The following UBR4 variants were observed in gnomAD, a reference collection of about 807,000 sequenced individuals.
The protein encoded by UBR4 is ubiquitin protein ligase E3 component n-recognin 4, also known as E3 ubiquitin-protein ligase UBR4.
UBR4 carries 124 observed loss-of-function variants against 575.6 expected under a neutral mutation model. That is an observed-to-expected ratio of 0.22 (90% CI 0.19 to 0.25). UBR4 has a LOEUF of 0.25. UBR4 is among the 10% of genes least tolerant of loss of function. UBR4 has a pLI of 1.00. For missense variants in UBR4, 4,818 were observed against 6,478.8 expected (o/e 0.74, Z 8.80); for synonymous variants, 2,455 against 2,473.7 (o/e 0.99, Z 0.22).
intron 84 of UBR4, 122 bp from the exon 85 acceptor site, chr1:19,105,311 A>G: frequency 8.2e-7 from 1 of 1,215,976 alleles, no homozygotes; most frequent in South Asian, 1.6e-5. Context: ...TGCTTCCTAG[A>G]GGGTGGAGGA....
intron 52 of UBR4, among the ~76,000 whole-genome samples, chr1:19,146,474 G>A (rs2084884004): frequency 6.6e-6 from 1 of 152,172 alleles, no homozygotes; most frequent in Non-Finnish European, 1.5e-5. Context: ...GCAAAAGAAT[G>A]GCATGAAAGC....
chr1:19,185,573 CTTTTTT>C (rs3068081), intron 14 of UBR4, among the ~76,000 whole-genome samples: 5 of 128,634 alleles, frequency 3.9e-5, no homozygotes, highest in African/African-American at 9.0e-5. Flanking sequence ...TTTCTTTTTT[CTTTTTT>C]TTTTTTTTTT....
intron 18 of UBR4, 152 bp from the exon 19 acceptor site, chr1:19,177,895 C>A: frequency 9.6e-7 from 1 of 1,037,238 alleles, no homozygotes; most frequent in Non-Finnish European, 1.4e-6. Flanking sequence ...AAAGACAAGA[C>A]AGAAACTAAA....
At chr1:19,140,556 T>A (rs1437798327) in intron 58 of UBR4, among the ~76,000 whole-genome samples, 1 of 152,142 alleles carries the variant, frequency 6.6e-6, no homozygotes, top group Non-Finnish European at 1.5e-5. Context: ...GGCTTTTCCG[T>A]GGGGAAGTAG....
At chr1:19,138,961 A>G (rs760046653) in intron 59 of UBR4, 122 bp downstream of exon 59, 1 of 1,252,004 alleles carries the variant, frequency 8.0e-7, no homozygotes, top group East Asian at 2.6e-5. Flanking sequence ...AGAGTCCACA[A>G]GACTTTCAAT....
At position 19,088,753 on chromosome 1, in the gene UBR4, C is replaced by T. The variant is rs774291704; in HGVS notation, c.14430+6G>A. The T allele has an allele frequency of 6.2e-7, 1 of 1,612,848 alleles. No individual in the cohort carries two copies. Among genetic ancestry groups the T allele is most frequent in the Admixed American group, 1.7e-5 (1 of 60,024 alleles). On this transcript the variant is annotated splice_donor_region_variant and intron_variant, in intron 98 of 105. Transcript: ENST00000375254. The surrounding 1 kb of genome is among the most constrained non-coding windows in gnomAD (Gnocchi z 4.0). Reference sequence around the variant, plus strand: ...GAAATATGGGGACTCTAGGTGGTAGCTTTACCGTCATGCCCAGGGTGCCCA... The same window carrying T: ...GAAATATGGGGACTCTAGGTGGTAGTTTTACCGTCATGCCCAGGGTGCCCA...
intron 1 of UBR4, 151 bp downstream of exon 1, chr1:19,209,922 C>A (rs1482769159): frequency 6.1e-6 from 8 of 1,318,668 alleles, no homozygotes; most frequent in Non-Finnish European, 7.8e-6. Flanking sequence ...CCCAGGCAAG[C>A]CAGTCTCCCC....
chr1:19,113,821 A>G lies in UBR4; in HGVS notation c.11335T>C (p.Ser3779Pro), dbSNP rs1570638795. The G allele has an allele frequency of 6.2e-7, 1 of 1,614,206 alleles. No individual in the cohort carries two copies. The highest frequency in any genetic ancestry group is 1.1e-5 in the South Asian group (1 of 91,084). Residue 3779 changes from serine to proline, a missense_variant, in exon 77 of 106, where the codon TCA becomes CCA. Ser to Pro is a moderately conservative substitution (Grantham distance 74). This residue lies in a region of UBR4 where 333 missense variants were observed against 459.2 expected (regional missense o/e 0.73). Coordinates refer to ENST00000375254, the MANE Select transcript of UBR4 (RefSeq NM_020765.3). ...GAGCTGATGCCCCCTGCTGTTCCTG[A>G]GTCATCCTGCAACCCCAAGAGGTAA... is the stretch of plus-strand genomic sequence containing the variant. ...EAAPEKPQDD[S>P]GTAGGISSTS...
intron 1 of UBR4, among the ~76,000 whole-genome samples, chr1:19,202,981 C>A (rs1220905358): frequency 6.6e-6 from 1 of 151,444 alleles, no homozygotes; most frequent in African/African-American, 2.4e-5. Context: ...ACTCAGAAGG[C>A]TGAGGTAGAG....
chr1:19,140,642 C>G (rs139157082), intron 58 of UBR4, 146 bp downstream of exon 58: 502 of 795,952 alleles, frequency 6.3e-4, no homozygotes, highest in African/African-American at 3.4e-3. Flanking sequence ...ACTACACCCT[C>G]CACACCCATC....
chr1:19,153,280 T>C lies in UBR4; in HGVS notation c.6832+21A>G, dbSNP rs1396636789. On this transcript the variant is annotated intron_variant, in intron 46 of 105. Coordinates refer to ENST00000375254, the MANE Select transcript of UBR4 (RefSeq NM_020765.3). This position sits in a 1 kb window ranked among gnomAD's most constrained non-coding sequence, Gnocchi z 4.1. ...ACCACCATTCCTACTCCCCCACAAG[T>C]CATCTGAGAAGGAGCCTTACTGATT... 6.2e-7 allele frequency: 1 copy of C among 1,613,244 alleles called. No homozygotes were observed. The highest frequency in any genetic ancestry group is 8.5e-7 in the Non-Finnish European group (1 of 1,179,402).
intron 34 of UBR4, among the ~76,000 whole-genome samples, chr1:19,163,315 T>C (rs1223214885): frequency 6.6e-6 from 1 of 152,202 alleles, no homozygotes; most frequent in Non-Finnish European, 1.5e-5. Flanking sequence ...GAATGCAGGA[T>C]TTCTGTCAGT....
chr1:19,139,806 C>T lies in UBR4; in HGVS notation c.8594-586G>A, dbSNP rs1225813016. 6.6e-6 allele frequency among the ~76,000 whole-genome samples: 1 copy of T among 152,182 alleles called. No homozygotes were observed. Among genetic ancestry groups the T allele is most frequent in the African/African-American group, 2.4e-5 (1 of 41,430 alleles). ...ATTGGGAAATTTCACACCTCCTAAT[C>T]ATCCTCATCAGATGCTAATAATGAA... On this transcript the variant is annotated intron_variant, in intron 58 of 105. Coordinates refer to ENST00000375254, the MANE Select transcript of UBR4 (RefSeq NM_020765.3). This position sits in a 1 kb window ranked among gnomAD's most constrained non-coding sequence, Gnocchi z 4.2.
At chr1:19,122,086 G>A (rs1194536709) in intron 66 of UBR4, 74 bp from the exon 67 acceptor site, 2 of 1,472,642 alleles carry the variant, frequency 1.4e-6, no homozygotes, top group East Asian at 2.3e-5. Context: ...CCTGCTGCCT[G>A]GAGCCATCTC....
At chr1:19,133,819 C>T (rs1428761559) in intron 60 of UBR4, among the ~76,000 whole-genome samples, 3 of 151,952 alleles carry the variant, frequency 2.0e-5, no homozygotes, top group Non-Finnish European at 4.4e-5. Flanking sequence ...TGGCTCACAC[C>T]TGTTATCCCA....
chr1:19,161,631 G>A lies in UBR4; in HGVS notation c.5133C>T (p.Ser1711=). Residue 1711 remains serine, a synonymous_variant, in exon 37 of 106, where the codon TCC becomes TCT. Transcript: ENST00000375254. ...CCTTGGCTCCACAGTCACAGAAGAAGGATCCATACTTGGCATAGGAAATCT... is the reference window on the plus strand; with the variant it reads ...CCTTGGCTCCACAGTCACAGAAGAAAGATCCATACTTGGCATAGGAAATCT... ...DHEISYAKYG[S]FFCDCGAKED... 3 of 1,613,858 alleles carry A rather than the reference G, an allele frequency of 1.9e-6. No homozygotes were observed. The highest frequency in any genetic ancestry group is 2.5e-6 in the Non-Finnish European group (3 of 1,179,860).
Position 19,117,411 on chromosome 1 carries a change from T to C in UBR4, c.10633A>G (p.Ile3545Val). ...TCCACTTTAATGGAAGACAGCTTGA[T>C]ATACTAAATACAAGAGTTCACAAAA... ...CNNPEVPFCYIKLSSIKVDTR... is the reference protein window; with the variant it reads ...CNNPEVPFCYVKLSSIKVDTR... Residue 3545 changes from isoleucine to valine, a missense_variant, in exon 73 of 106, where the codon ATC (isoleucine) becomes GTC (valine). Around this residue, in one of 29 missense-constraint regions of UBR4, gnomAD observed 550 missense variants for 791.5 expected, o/e 0.69. Coordinates refer to ENST00000375254, the MANE Select transcript of UBR4 (RefSeq NM_020765.3). This position sits in a 1 kb window ranked among gnomAD's most constrained non-coding sequence, Gnocchi z 4.0. 2 of 1,614,158 alleles carry C rather than the reference T, an allele frequency of 1.2e-6. No individual in the cohort carries two copies. The highest frequency in any genetic ancestry group is 1.7e-6 in the Non-Finnish European group (2 of 1,180,020).
At chr1:19,144,651 TTTA>T (rs2084592567) in intron 54 of UBR4, 132 bp downstream of exon 54, 1 of 1,280,118 alleles carries the variant, frequency 7.8e-7, no homozygotes, top group African/African-American at 1.5e-5. Flanking sequence ...TCTTAAAGCT[TTTA>T]TTGATATTTG....
Position 19,086,001 on chromosome 1 carries a change from C to T in UBR4, c.14813+144G>A, listed in dbSNP as rs567010613. On this transcript the variant is annotated intron_variant, in intron 101 of 105. Coordinates refer to ENST00000375254, the MANE Select transcript of UBR4 (RefSeq NM_020765.3). Reference sequence around the variant, plus strand: ...CCCCCACCCTGTATGCTCTGGACAGCTCCCCAGTCAGCAAGCAGACAGACA... The same window carrying T: ...CCCCCACCCTGTATGCTCTGGACAGTTCCCCAGTCAGCAAGCAGACAGACA... 6.9e-6 allele frequency: 9 copies of T among 1,308,910 alleles called. No homozygotes were observed. The East Asian group carries it at 2.1e-4, about 30-fold the overall frequency. The allele number at this position is 1,308,910 out of a possible 1,614,324, so 81.1% of individuals were successfully genotyped here.
Sources: allele counts gnomAD v4.1 joint callset (sites outside exome capture counted in the v4.1 genomes callset), GRCh38; gene constraint gnomAD v4.1.1; regional missense constraint gnomAD v4.1.1; non-coding constraint Gnocchi (gnomAD v3.1); transcripts MANE v1.5; gene names NCBI Gene and HGNC (gene_info 2026-07-23, HGNC 2026-07-21).